The following PLCL1 variants were observed in gnomAD, a reference collection of about 807,000 sequenced individuals.
The protein encoded by PLCL1 is inactive phospholipase C-like protein 1.
PLCL1 carries 41 observed loss-of-function variants against 84.4 expected under a neutral mutation model. The ratio of observed to expected loss-of-function variants is 0.49; its 90% CI spans 0.38 to 0.63. PLCL1 has a LOEUF of 0.63. Ranked by LOEUF, PLCL1 falls within the 30% of genes least tolerant of loss-of-function variation. The pLI is 0.00. For synonymous variants in PLCL1, 490 were observed against 488.3 expected, an observed-to-expected ratio of 1.00 and a Z score of -0.05; for missense variants, 1,206 against 1,367.8, an observed-to-expected ratio of 0.88 and a Z score of 1.87.
chr2:198,049,736 C>T (rs776476742), intron 1 of PLCL1, among the ~76,000 whole-genome samples: 2 of 152,142 alleles, frequency 1.3e-5, no homozygotes, highest in African/African-American at 2.4e-5. Context: ...TTGGCACCTC[C>T]AGCTTACAAC....
At chr2:197,960,669 G>A (rs1027314969) in intron 1 of PLCL1, among the ~76,000 whole-genome samples, 2 of 152,052 alleles carry the variant, frequency 1.3e-5, no homozygotes, top group Admixed American at 6.6e-5. Context: ...ACCAAGATTT[G>A]CTTTACCATC....
chr2:197,867,025 C>T (rs765611031), intron 1 of PLCL1, among the ~76,000 whole-genome samples: 16 of 152,062 alleles, frequency 1.1e-4, no homozygotes, highest in Admixed American at 6.6e-4. Flanking sequence ...TAGCATGACC[C>T]GAGATGCATT....
At chr2:197,852,110 C>T (rs534362275) in intron 1 of PLCL1, among the ~76,000 whole-genome samples, 5 of 152,148 alleles carry the variant, frequency 3.3e-5, no homozygotes, top group Admixed American at 1.3e-4. Flanking sequence ...TTTGATGTAC[C>T]GGGTGGTGAT....
chr2:198,001,620 T>C (rs903027175), intron 1 of PLCL1, among the ~76,000 whole-genome samples: 3 of 152,060 alleles, frequency 2.0e-5, no homozygotes, highest in Non-Finnish European at 4.4e-5. Context: ...GGTTGATCCA[T>C]TTTTTTTCTG....
intron 1 of PLCL1, among the ~76,000 whole-genome samples, chr2:198,047,697 C>T (rs1044975474): frequency 6.6e-6 from 1 of 152,076 alleles, no homozygotes; most frequent in African/African-American, 2.4e-5. Flanking sequence ...GGAAGGGGCA[C>T]TAGAAGCAAT....
chr2:198,011,423 ATTTTC>A (rs1240644306), intron 1 of PLCL1, among the ~76,000 whole-genome samples: 1 of 151,622 alleles, frequency 6.6e-6, no homozygotes, highest in African/African-American at 2.4e-5. Flanking sequence ...GGATTTTCCT[ATTTTC>A]TTTCTGCTAT....
At chr2:197,977,350 T>G (rs866922545) in intron 1 of PLCL1, among the ~76,000 whole-genome samples, 2 of 151,814 alleles carry the variant, frequency 1.3e-5, no homozygotes, top group Non-Finnish European at 2.9e-5. Flanking sequence ...AGCTGCTGCA[T>G]TTCCAGGGGC....
At chr2:198,111,043 T>C (rs1291344174) in intron 5 of PLCL1, among the ~76,000 whole-genome samples, 8 of 151,876 alleles carry the variant, frequency 5.3e-5, no homozygotes, top group Admixed American at 5.3e-4. Context: ...AGTGATTAAG[T>C]GTACAGACGC....
intron 1 of PLCL1, among the ~76,000 whole-genome samples, chr2:197,870,155 A>G (rs1246571987): frequency 6.6e-6 from 1 of 152,162 alleles, no homozygotes; most frequent in Non-Finnish European, 1.5e-5. Context: ...ACTGATTAGA[A>G]TTGACTCATG....
intron 1 of PLCL1, among the ~76,000 whole-genome samples, chr2:198,080,417 A>T (rs200851961): frequency 2.6e-5 from 4 of 152,164 alleles, no homozygotes; most frequent in African/African-American, 9.7e-5. Flanking sequence ...ATCTGCCAAG[A>T]TCTTCTTGAG....
intron 1 of PLCL1, among the ~76,000 whole-genome samples, chr2:197,914,493 C>G (rs1688553129): frequency 6.6e-6 from 1 of 152,044 alleles, no homozygotes; most frequent in Non-Finnish European, 1.5e-5. Flanking sequence ...CCACACCCAG[C>G]TAGTTTTTGG....
intron 1 of PLCL1, among the ~76,000 whole-genome samples, chr2:197,810,965 A>G (rs1690574413): frequency 6.6e-6 from 1 of 152,230 alleles, no homozygotes; most frequent in Non-Finnish European, 1.5e-5. Flanking sequence ...AAGGAGGGAG[A>G]GAATCATTGT....
intron 1 of PLCL1, among the ~76,000 whole-genome samples, chr2:197,977,867 T>C (rs1690019395): frequency 6.6e-6 from 1 of 152,210 alleles, no homozygotes; most frequent in East Asian, 1.9e-4. Context: ...GCTATTCTTT[T>C]ACTGCTCCCC....
intron 1 of PLCL1, among the ~76,000 whole-genome samples, chr2:198,040,055 A>G (rs1172237786): frequency 6.6e-6 from 1 of 152,222 alleles, no homozygotes; most frequent in Non-Finnish European, 1.5e-5. Context: ...GCAATAAATT[A>G]TGTCTTAAAT....
chr2:198,080,998 A>G (rs1413535942), intron 1 of PLCL1, among the ~76,000 whole-genome samples: 2 of 152,230 alleles, frequency 1.3e-5, no homozygotes, highest in Non-Finnish European at 2.9e-5. Context: ...GATATGGCAG[A>G]GAAGAGCCTT....
intron 1 of PLCL1, among the ~76,000 whole-genome samples, chr2:197,827,676 C>T (rs1216574583): frequency 3.3e-5 from 5 of 152,104 alleles, no homozygotes; most frequent in African/African-American, 4.8e-5. Context: ...AAAAAGTACT[C>T]TGTTGGATCT....
intron 3 of PLCL1, among the ~76,000 whole-genome samples, chr2:198,099,723 A>G (rs1428798215): frequency 6.6e-6 from 1 of 152,166 alleles, no homozygotes; most frequent in Non-Finnish European, 1.5e-5. Flanking sequence ...ACAATGGGAA[A>G]AACAGAAACA....
At position 197,891,072 on chromosome 2, in the gene PLCL1, A is replaced by G. The variant is rs183269573; in HGVS notation, c.240+85733A>G. ...TTTTTTACTTAGTATAAGTAATGCT[A>G]TAGTAAATCAGCAACTATTGAACAC... On this transcript the variant is annotated intron_variant, in intron 1 of 5. Coordinates refer to ENST00000428675, the MANE Select transcript of PLCL1 (RefSeq NM_006226.4). Among the ~76,000 whole-genome samples the G allele has an allele frequency of 3.3e-5, 5 of 151,572 alleles. No individual in the cohort carries two copies. The East Asian group carries it at 5.8e-4, about 18-fold the overall frequency.
intron 1 of PLCL1, among the ~76,000 whole-genome samples, chr2:197,840,567 G>T (rs545718047): frequency 6.4e-4 from 98 of 152,166 alleles, no homozygotes; most frequent in Middle Eastern, 3.4e-3. Context: ...ATTTTGGCAC[G>T]ACTCAAACTG....
Sources: allele counts gnomAD v4.1 joint callset (sites outside exome capture counted in the v4.1 genomes callset), GRCh38; gene constraint gnomAD v4.1.1; transcripts MANE v1.5; gene names NCBI Gene and HGNC (gene_info 2026-07-23, HGNC 2026-07-21).